Variants in EXO1 observed in about 807,000 individuals in gnomAD.
The protein encoded by EXO1 is exonuclease 1.
A neutral mutation model predicts 84.5 loss-of-function variants in EXO1; 69 were observed. The observed-to-expected ratio is 0.82, with a 90% confidence interval of 0.67 to 1.00. The LOEUF (loss-of-function observed/expected upper bound fraction) is 1.00, where lower values mean the gene tolerates loss of function less well. Among genes scored for constraint, EXO1 ranks in the 50% least tolerant of loss-of-function variants. The pLI, the probability that EXO1 is intolerant of heterozygous loss-of-function variation, is 0.00. For synonymous variants in EXO1, 373 were observed against 366.1 expected (o/e 1.02, Z -0.21); for missense variants, 1,045 against 1,000.7 (o/e 1.04, Z -0.60).
chr1:241,850,313 A>T, intron 3 of EXO1, 96 bp from the exon 4 acceptor site: 1 of 857,256 alleles, frequency 1.2e-6, no homozygotes, highest in South Asian at 1.5e-5. Flanking sequence ...CAATTTCTGC[A>T]TTGGACTCCA....
chr1:241,860,424 A>G (rs771654329), intron 8 of EXO1, 93 bp from the exon 9 acceptor site: 203 of 1,006,284 alleles, frequency 2.0e-4, no homozygotes, highest in East Asian at 2.9e-4. Flanking sequence ...TAATGTTTCA[A>G]TCCCTCTTTA....
intron 9 of EXO1, 91 bp from the exon 10 acceptor site, chr1:241,861,315 T>C: frequency 1.3e-6 from 1 of 744,386 alleles, no homozygotes; most frequent in Non-Finnish European, 2.4e-6. Context: ...CTATGGATTT[T>C]CGTGACAATA....
chr1:241,881,913 T>C lies in EXO1; in HGVS notation c.2110-3T>C. 6.8e-7 allele frequency: 1 copy of C among 1,466,582 alleles called. No homozygotes were observed. The highest frequency in any genetic ancestry group is 1.2e-5 in the South Asian group (1 of 84,820). The allele number at this position is 1,466,582 out of a possible 1,614,324, so 90.8% of individuals were successfully genotyped here. A position where few individuals can be genotyped will look rare whatever the true frequency, so the allele number is the denominator to read the frequency against. ...ATTTTATTTTTTGATCTGGGGACTC[T>C]AGGAATCTGATTGCAATATTAAGTT... On this transcript the variant is annotated splice_region_variant and splice_polypyrimidine_tract_variant and intron_variant, in intron 13 of 15. Coordinates refer to ENST00000366548, the MANE Select transcript of EXO1 (RefSeq NM_130398.4).
Position 241,889,858 on chromosome 1 carries a change from A to C in EXO1, c.*258A>C. Reference sequence around the variant, plus strand: ...GGAGGTTTTAGTGTTAATTGGGAAAATCCTCTGGAGTTTATAAAAGTCTAC... The same window carrying C: ...GGAGGTTTTAGTGTTAATTGGGAAACTCCTCTGGAGTTTATAAAAGTCTAC... On this transcript the variant is annotated 3_prime_UTR_variant, in exon 16 of 16. Transcript: ENST00000366548. 2.1e-6 allele frequency: 1 copy of C among 465,464 alleles called. No individual in the cohort carries two copies. Among genetic ancestry groups the C allele is most frequent in the Non-Finnish European group, 3.9e-6 (1 of 257,110 alleles). The allele number at this position is 465,464 out of a possible 1,614,324, so 28.8% of individuals were successfully genotyped here. A position where few individuals can be genotyped will look rare whatever the true frequency, so the allele number is the denominator to read the frequency against.
chr1:241,889,336 G>GAA (rs1663251639), intron 15 of EXO1, 129 bp from the exon 16 acceptor site: 2 of 791,582 alleles, frequency 2.5e-6, no homozygotes, highest in African/African-American at 1.7e-5. Context: ...GTTATATAAT[G>GAA]AATTGAAAGA....
In EXO1 at chr1:241,867,041, A is replaced by G; in HGVS notation, c.1253A>G (p.Lys418Arg). Residue 418 changes from lysine (K) to arginine (R), a missense_variant, in exon 11 of 16, where the codon AAA becomes AGA. Lys to Arg is a conservative substitution (Grantham distance 26). Transcript: ENST00000366548. ...LNLPRKSSIV[K>R]RPRSAELSED... ...CTCCCAAGGAAATCATCCATTGTGA[A>G]AAGACCAAGAAGTGGTACGTATTTC... 1 of 1,612,790 alleles carries G rather than the reference A, an allele frequency of 6.2e-7. No homozygotes were observed. The highest frequency in any genetic ancestry group is 8.5e-7 in the Non-Finnish European group (1 of 1,178,778).
chr1:241,861,187 G>T (rs1380949625), intron 9 of EXO1, among the ~76,000 whole-genome samples: 1 of 152,218 alleles, frequency 6.6e-6, no homozygotes, highest in African/African-American at 2.4e-5. Flanking sequence ...GTCAGTGATG[G>T]CCTGGGCCCT....
chr1:241,886,647 A>T (rs1219364631), intron 15 of EXO1, among the ~76,000 whole-genome samples: 2 of 152,214 alleles, frequency 1.3e-5, no homozygotes, highest in East Asian at 3.8e-4. Context: ...AGAAATTATT[A>T]AAGGCCCCAA....
At chr1:241,874,122 G>T (rs546835984) in intron 12 of EXO1, among the ~76,000 whole-genome samples, 1 of 152,276 alleles carries the variant, frequency 6.6e-6, no homozygotes, top group South Asian at 2.1e-4. Context: ...GAGGGTCGCC[G>T]GGCACGATGG....
chr1:241,883,695 A>G (rs1662893750), intron 14 of EXO1, among the ~76,000 whole-genome samples: 1 of 151,572 alleles, frequency 6.6e-6, no homozygotes, highest in African/African-American at 2.4e-5. Context: ...TTGAAAAGAC[A>G]TTCATTATTA....
At position 241,868,374 on chromosome 1, in the gene EXO1, CAAAAAAA is replaced by C. The variant is rs10591886; in HGVS notation, c.1267+1337_1267+1343del. On this transcript the variant is annotated intron_variant, in intron 11 of 15. Transcript: ENST00000366548. The stretch of plus-strand genomic sequence containing the variant: ...TGGGCGCCAGAGAAAGAATCCATCT[CAAAAAAA>C]AAAAAAAAAAAAAAAAATTAAGAAA... Among the ~76,000 whole-genome samples, 117 of 115,892 alleles carry C rather than the reference CAAAAAAA, an allele frequency of 1.0e-3. 1 individual carries two copies. Among genetic ancestry groups the C allele is most frequent in the Non-Finnish European group, 4.5e-4 (24 of 53,832 alleles). The allele number at this position is 115,892 out of a possible 152,430, so 76.0% of individuals were successfully genotyped here.
chr1:241,888,565 CA>C (rs1334154336), intron 15 of EXO1, among the ~76,000 whole-genome samples: 2 of 152,224 alleles, frequency 1.3e-5, no homozygotes, highest in East Asian at 3.9e-4. Flanking sequence ...TGGGACTCTC[CA>C]GGGGTTGTGG....
chr1:241,867,324 G>A (rs372424428), intron 11 of EXO1, among the ~76,000 whole-genome samples: 29 of 152,260 alleles, frequency 1.9e-4, no homozygotes, highest in East Asian at 1.4e-3. Context: ...GGTAGCAAAC[G>A]AGAAGAATGA....
chr1:241,853,728 C>T (rs1000214712), intron 6 of EXO1, among the ~76,000 whole-genome samples: 2 of 151,978 alleles, frequency 1.3e-5, no homozygotes, highest in African/African-American at 4.8e-5. Context: ...ATGGAAGGAA[C>T]AGGGCCAGGC....
intron 8 of EXO1, 49 bp from the exon 9 acceptor site, chr1:241,860,468 G>A (rs1661318521): frequency 7.4e-7 from 1 of 1,346,492 alleles, no homozygotes; most frequent in East Asian, 2.3e-5. Flanking sequence ...AGGATAATAT[G>A]TTCCCTGTTC....
Position 241,852,289 on chromosome 1 carries a change from T to C in EXO1, c.162-3T>C, listed in dbSNP as rs4149863. ...CACTGAATGTTTTTCTTTTTTTCCA[T>C]AGGTATGTAGGATTTTGTATGAAAT... is the stretch of plus-strand genomic sequence containing the variant. On this transcript the variant is annotated splice_region_variant and splice_polypyrimidine_tract_variant and intron_variant, in intron 4 of 15. Coordinates refer to ENST00000366548, the MANE Select transcript of EXO1 (RefSeq NM_130398.4). 7,609 of 1,601,104 alleles carry C rather than the reference T, an allele frequency of 4.8e-3. 332 individuals are homozygous for C. In the African/African-American group the frequency reaches 0.09, roughly 19 times the overall value.
chr1:241,876,825 G>A (rs1028578244), intron 12 of EXO1, among the ~76,000 whole-genome samples: 1 of 152,120 alleles, frequency 6.6e-6, no homozygotes, highest in Non-Finnish European at 1.5e-5. Flanking sequence ...TGGATTGGAA[G>A]CGGCATACAA....
chr1:241,852,804 G>A (rs985547733), intron 5 of EXO1, among the ~76,000 whole-genome samples: 5 of 152,092 alleles, frequency 3.3e-5, no homozygotes, highest in Non-Finnish European at 4.4e-5. Context: ...CTACAGGCAC[G>A]TGCCACCACA....
intron 14 of EXO1, among the ~76,000 whole-genome samples, chr1:241,883,598 A>G (rs921442088): frequency 2.0e-5 from 3 of 152,228 alleles, no homozygotes; most frequent in Non-Finnish European, 2.9e-5. Context: ...ATTCCAGTAC[A>G]TTAAAGATAC....
Sources: gnomAD v4.1 joint callset for allele counts (sites outside exome capture counted in the v4.1 genomes callset) on GRCh38, gnomAD v4.1.1 for gene constraint, MANE v1.5 for transcripts, NCBI Gene and HGNC (gene_info 2026-07-23, HGNC 2026-07-21) for gene names.